ATP8A2: variants seen among roughly 807,000 people sequenced by gnomAD.
ATP8A2 encodes the protein ATPase phospholipid transporting 8A2, also known as phospholipid-transporting ATPase IB.
ATP8A2 carries 100 observed loss-of-function variants against 165.6 expected under a neutral mutation model. The ratio of observed to expected loss-of-function variants is 0.60; its 90% CI spans 0.51 to 0.71. The LOEUF (loss-of-function observed/expected upper bound fraction) is 0.71, where lower values mean the gene tolerates loss of function less well. Among genes scored for constraint, ATP8A2 ranks in the 30% least tolerant of loss-of-function variants. The pLI is 0.00. For synonymous variants in ATP8A2, 543 were observed against 548.8 expected (o/e 0.99, Z 0.15); for missense variants, 1,227 against 1,479.5 (o/e 0.83, Z 2.80).
chr13:25,392,122 T>C (rs1031779323), intron 1 of ATP8A2, among the ~76,000 whole-genome samples: 5 of 152,168 alleles, frequency 3.3e-5, no homozygotes, highest in Non-Finnish European at 5.9e-5. Flanking sequence ...CACGCAGCAA[T>C]AGATAATGAG....
chr13:25,827,272 C>T (rs1380281508), intron 27 of ATP8A2, among the ~76,000 whole-genome samples: 2 of 152,180 alleles, frequency 1.3e-5, no homozygotes, highest in East Asian at 3.9e-4. Flanking sequence ...CCACCACACC[C>T]CGCTAATTTT....
intron 34 of ATP8A2, among the ~76,000 whole-genome samples, chr13:25,968,374 G>A (rs913492732): frequency 1.3e-5 from 2 of 152,120 alleles, no homozygotes; most frequent in African/African-American, 4.8e-5. Context: ...ATCCGGGTCT[G>A]GTCTGCAGCA....
chr13:25,799,345 C>G (rs1282669104), intron 27 of ATP8A2, among the ~76,000 whole-genome samples: 1 of 152,152 alleles, frequency 6.6e-6, no homozygotes, highest in East Asian at 1.9e-4. Flanking sequence ...CACCTCCTGC[C>G]TTTAAGAAAC....
At chr13:25,626,294 A>G (rs2137484811) in intron 24 of ATP8A2, among the ~76,000 whole-genome samples, 1 of 152,298 alleles carries the variant, frequency 6.6e-6, no homozygotes, top group East Asian at 1.9e-4. Context: ...GGGAAGTCCA[A>G]GAGCATGGTG....
At chr13:25,499,720 A>G (rs754373055) in intron 2 of ATP8A2, among the ~76,000 whole-genome samples, 8 of 152,220 alleles carry the variant, frequency 5.3e-5, no homozygotes, top group Non-Finnish European at 1.2e-4. Context: ...ATTTTATTTA[A>G]TATTTGTGGA....
chr13:25,892,382 G>T (rs747074901), intron 33 of ATP8A2, among the ~76,000 whole-genome samples: 3 of 151,792 alleles, frequency 2.0e-5, no homozygotes, highest in African/African-American at 7.3e-5. Context: ...ATTCAATTTG[G>T]CTTTATGGGT....
intron 1 of ATP8A2, among the ~76,000 whole-genome samples, chr13:25,426,426 C>T (rs893060910): frequency 2.0e-5 from 3 of 152,120 alleles, no homozygotes; most frequent in Non-Finnish European, 2.9e-5. Flanking sequence ...CCCCTAGACC[C>T]AAATACTTCC....
chr13:25,776,891 C>T (rs751371453), intron 27 of ATP8A2, among the ~76,000 whole-genome samples: 13 of 152,086 alleles, frequency 8.5e-5, no homozygotes, highest in Non-Finnish European at 1.3e-4. Context: ...AGACATTCTG[C>T]GTGGAGCTCC....
intron 1 of ATP8A2, among the ~76,000 whole-genome samples, chr13:25,467,253 C>G (rs1253961712): frequency 6.6e-6 from 1 of 152,238 alleles, no homozygotes; most frequent in Non-Finnish European, 1.5e-5. Flanking sequence ...TGTGCCTGGC[C>G]TGTGACCAGG....
At chr13:25,639,360 C>A (rs7985979) in intron 24 of ATP8A2, among the ~76,000 whole-genome samples, 150,641 of 152,278 alleles carry the variant, frequency 0.99, 74,524 homozygotes, top group East Asian at 1. Context: ...GGAGACCCAT[C>A]TCACATGCAG....
chr13:25,790,896 G>T (rs923928109), intron 27 of ATP8A2, among the ~76,000 whole-genome samples: 3 of 152,132 alleles, frequency 2.0e-5, no homozygotes, highest in Non-Finnish European at 4.4e-5. Flanking sequence ...TGTTGGCGAG[G>T]TGGTGGAGAA....
intron 24 of ATP8A2, among the ~76,000 whole-genome samples, chr13:25,646,513 A>T (rs2041674733): frequency 6.6e-6 from 1 of 151,782 alleles, no homozygotes; most frequent in South Asian, 2.1e-4. Flanking sequence ...AAAATTAGCC[A>T]GGTGTGGTGG....
At chr13:25,749,537 G>A (rs1221383019) in intron 25 of ATP8A2, among the ~76,000 whole-genome samples, 1 of 152,102 alleles carries the variant, frequency 6.6e-6, no homozygotes, top group Non-Finnish European at 1.5e-5. Flanking sequence ...CATGACGCAG[G>A]CATTGTCACA....
At chr13:25,413,010 G>C (rs2034016132) in intron 1 of ATP8A2, among the ~76,000 whole-genome samples, 1 of 152,060 alleles carries the variant, frequency 6.6e-6, no homozygotes, top group South Asian at 2.1e-4. Context: ...TGGAGACGGG[G>C]TTTCACCATG....
At chr13:25,698,936 G>T (rs1010345062) in intron 24 of ATP8A2, among the ~76,000 whole-genome samples, 1 of 152,136 alleles carries the variant, frequency 6.6e-6, no homozygotes, top group Non-Finnish European at 1.5e-5. Flanking sequence ...GTAGTGTAAA[G>T]AAGTGGATTA....
chr13:25,447,584 G>T (rs998567630), intron 1 of ATP8A2, among the ~76,000 whole-genome samples: 1 of 152,160 alleles, frequency 6.6e-6, no homozygotes. Context: ...CAGTGTCTAG[G>T]GGTTGTCTGC....
At chr13:25,963,263 G>A (rs186891714) in intron 34 of ATP8A2, among the ~76,000 whole-genome samples, 286 of 151,844 alleles carry the variant, frequency 1.9e-3, no homozygotes, top group African/African-American at 6.5e-3. Flanking sequence ...GCGTGGTGGC[G>A]GGCACCTGTA....
At chr13:25,870,619 G>A (rs1952647797) in intron 33 of ATP8A2, among the ~76,000 whole-genome samples, 1 of 152,214 alleles carries the variant, frequency 6.6e-6, no homozygotes, top group South Asian at 2.1e-4. Flanking sequence ...GAGGCTTAGA[G>A]AGAAAGGATC....
chr13:25,651,367 C>T (rs781674162), intron 24 of ATP8A2, among the ~76,000 whole-genome samples: 1 of 151,818 alleles, frequency 6.6e-6, no homozygotes, highest in Non-Finnish European at 1.5e-5. Flanking sequence ...CACTTGAACT[C>T]GGGAGGCAGA....
Sources: allele counts gnomAD v4.1 joint callset (sites outside exome capture counted in the v4.1 genomes callset), GRCh38; gene constraint gnomAD v4.1.1; transcripts MANE v1.5; gene names NCBI Gene and HGNC (gene_info 2026-07-23, HGNC 2026-07-21).